Variants in HTR2C observed in about 807,000 individuals in gnomAD.
The protein encoded by HTR2C is 5-hydroxytryptamine (serotonin) receptor 2C, G protein-coupled.
A neutral mutation model predicts 21.0 loss-of-function variants in HTR2C; 5 were observed. The observed-to-expected ratio is 0.24, with a 90% CI of 0.12 to 0.50. The LOEUF (loss-of-function observed/expected upper bound fraction) is 0.50, where lower values mean the gene tolerates loss of function less well. HTR2C is among the 20% of genes least tolerant of loss of function. The pLI is 0.98. For synonymous variants in HTR2C, 150 were observed against 145.3 expected (o/e 1.03, Z -0.23); for missense variants, 271 against 371.2 (o/e 0.73, Z 2.22).
chrX:114,668,145 T>G (rs1931244706), intron 2 of HTR2C, among the ~76,000 whole-genome samples: 1 of 111,791 alleles, frequency 8.9e-6, no homozygotes, highest in Non-Finnish European at 1.9e-5. Context: ...TGTTTGGGTA[T>G]AATAGACTCT....
intron 2 of HTR2C, among the ~76,000 whole-genome samples, chrX:114,655,211 G>A (rs1232197328): frequency 1.8e-5 from 2 of 110,894 alleles, no homozygotes; most frequent in African/African-American, 6.5e-5. Flanking sequence ...CTAAGAGGGT[G>A]ATGTATTTAG....
chrX:114,667,082 A>G (rs1452863183), intron 2 of HTR2C, among the ~76,000 whole-genome samples: 1 of 111,425 alleles, frequency 9.0e-6, no homozygotes, highest in Non-Finnish European at 1.9e-5. Context: ...TATCAAAATG[A>G]GGGAAACATA....
At chrX:114,743,661 A>T (rs2069673638) in intron 4 of HTR2C, among the ~76,000 whole-genome samples, 1 of 111,395 alleles carries the variant, frequency 9.0e-6, no homozygotes, top group East Asian at 2.8e-4. Context: ...TAGAGTCCCA[A>T]AGGGAGAGGA....
chrX:114,702,617 T>C lies in HTR2C; in HGVS notation c.-79-24241T>C, dbSNP rs1194705186. 2.7e-5 allele frequency among the ~76,000 whole-genome samples: 3 copies of C among 111,676 alleles called. No homozygotes were observed. In the East Asian group the frequency reaches 8.5e-4, roughly 31 times the overall value. ...GCCGCTGCAAAATCATGCCAAATTC[T>C]AAAGACCATCGAGGCTAGGAAGAAA... On this transcript the variant is annotated intron_variant, in intron 2 of 5. Transcript: ENST00000276198.
chrX:114,738,719 T>G (rs1180255822), intron 4 of HTR2C, among the ~76,000 whole-genome samples: 7 of 110,499 alleles, frequency 6.3e-5, no homozygotes, highest in Admixed American at 5.8e-4. Context: ...GATGGGTTGA[T>G]GGGTGCAGGA....
chrX:114,737,926 G>A lies in HTR2C; in HGVS notation c.349+6319G>A, dbSNP rs782300508. On this transcript the variant is annotated intron_variant, in intron 4 of 5. Coordinates refer to ENST00000276198, the MANE Select transcript of HTR2C (RefSeq NM_000868.4). ...TGAAACTTCCTAAGGTTTATATGAA[G>A]TGAGAATAACTTTGATACATAAACC... 6.2e-5 allele frequency among the ~76,000 whole-genome samples: 7 copies of A among 112,452 alleles called. No individual in the cohort carries two copies. In the South Asian group the frequency reaches 2.2e-3, roughly 35 times the overall value.
intron 3 of HTR2C, among the ~76,000 whole-genome samples, chrX:114,728,554 A>G (rs2069505048): frequency 9.0e-6 from 1 of 111,520 alleles, no homozygotes; most frequent in Non-Finnish European, 1.9e-5. Context: ...TGAAACCAGG[A>G]AAGTGAAGTA....
chrX:114,844,140 C>T (rs1556466553), intron 4 of HTR2C, among the ~76,000 whole-genome samples: 3 of 111,430 alleles, frequency 2.7e-5, no homozygotes, highest in Non-Finnish European at 3.8e-5. Flanking sequence ...CTTTCTATTT[C>T]CTTTAAAAGG....
chrX:114,748,599 A>G (rs1373464916), intron 4 of HTR2C, among the ~76,000 whole-genome samples: 1 of 112,087 alleles, frequency 8.9e-6, no homozygotes, highest in Admixed American at 9.5e-5. Context: ...CCAGAAATCA[A>G]CAAATATAAT....
intron 4 of HTR2C, among the ~76,000 whole-genome samples, chrX:114,748,482 G>A (rs781888230): frequency 1.5e-4 from 17 of 111,236 alleles, no homozygotes; most frequent in Non-Finnish European, 1.7e-4. Context: ...CACAATTGGA[G>A]AACTCATAAT....
intron 4 of HTR2C, among the ~76,000 whole-genome samples, chrX:114,806,999 CCATATATATCACATATAT>C (rs1569496070): frequency 1.2e-5 from 1 of 81,405 alleles, no homozygotes; most frequent in African/African-American, 5.4e-5. Flanking sequence ...CATATATATA[CCATATATATCACATATAT>C]ACCATATATA....
At position 114,659,150 on chromosome X, in the gene HTR2C, A is replaced by G. The variant is rs782561745; in HGVS notation, c.-80+45269A>G. On this transcript the variant is annotated intron_variant, in intron 2 of 5. Coordinates refer to ENST00000276198, the MANE Select transcript of HTR2C (RefSeq NM_000868.4). ...TAAAAAACTATCAGATCTTGTGAGAACTCACTCACTATCACGAGAACAGCA... is the reference window on the plus strand; with the variant it reads ...TAAAAAACTATCAGATCTTGTGAGAGCTCACTCACTATCACGAGAACAGCA... Among the ~76,000 whole-genome samples the G allele has an allele frequency of 7.2e-5, 8 of 111,021 alleles. No homozygotes were observed. The South Asian group carries it at 2.7e-3, about 37-fold the overall frequency.
In HTR2C at chrX:114,602,672, T is replaced by C. The variant is rs1427514040; in HGVS notation, c.-146-11143T>C. Among the ~76,000 whole-genome samples the C allele has an allele frequency of 6.7e-5, 4 of 60,027 alleles. 1 individual carries two copies. Among genetic ancestry groups the C allele is most frequent in the African/African-American group, 1.3e-4 (2 of 15,083 alleles). The allele number at this position is 60,027 out of a possible 115,157, so 52.1% of individuals were successfully genotyped here. On this transcript the variant is annotated intron_variant, in intron 1 of 5. Coordinates refer to ENST00000276198, the MANE Select transcript of HTR2C (RefSeq NM_000868.4). ...GAAAGCTAAACTGAGGAATTATGTC[T>C]GACAGAAGGGAAGAAATGACTGTGG... is the stretch of plus-strand genomic sequence containing the variant.
In HTR2C at chrX:114,810,140, G is replaced by A. The variant is rs1178973903; in HGVS notation, c.350-37863G>A. On this transcript the variant is annotated intron_variant, in intron 4 of 5. Coordinates refer to ENST00000276198, the MANE Select transcript of HTR2C (RefSeq NM_000868.4). The stretch of plus-strand genomic sequence containing the variant: ...ATCCTATTCTACTGTGGTGGAGCTG[G>A]TATCCAGATTGCAGGACAAAGTCCT... Among the ~76,000 whole-genome samples the A allele has an allele frequency of 4.5e-5, 5 of 111,556 alleles. No individual in the cohort carries two copies. In the East Asian group the frequency reaches 1.4e-3, roughly 32 times the overall value.
At chrX:114,887,343 A>G (rs1407417321) in intron 5 of HTR2C, among the ~76,000 whole-genome samples, 1 of 111,728 alleles carries the variant, frequency 9.0e-6, no homozygotes, top group East Asian at 2.8e-4. Context: ...GGTTTCATTA[A>G]TATTAATGAA....
intron 1 of HTR2C, among the ~76,000 whole-genome samples, chrX:114,610,345 T>A (rs1341164272): frequency 8.9e-6 from 1 of 112,244 alleles, no homozygotes; most frequent in Admixed American, 9.5e-5. Flanking sequence ...ACCTTATCTA[T>A]TAAATCTTCA....
chrX:114,758,573 G>T (rs1193912231), intron 4 of HTR2C, among the ~76,000 whole-genome samples: 2 of 111,036 alleles, frequency 1.8e-5, no homozygotes, highest in East Asian at 5.7e-4. Flanking sequence ...AAAAAGAAAA[G>T]ATGTTTTGTT....
chrX:114,637,761 C>T (rs2147822306), intron 2 of HTR2C, among the ~76,000 whole-genome samples: 1 of 111,110 alleles, frequency 9.0e-6, no homozygotes, highest in Admixed American at 9.6e-5. Context: ...CTCACACTGA[C>T]GTGCAGAGTG....
intron 1 of HTR2C, among the ~76,000 whole-genome samples, chrX:114,604,883 G>A (rs1473141341): frequency 3.6e-5 from 4 of 111,276 alleles, no homozygotes; most frequent in African/African-American, 1.3e-4. Context: ...GCAAGGAATT[G>A]CAACTTTTTT....
Sources: allele counts gnomAD v4.1 joint callset (sites outside exome capture counted in the v4.1 genomes callset), GRCh38; gene constraint gnomAD v4.1.1; transcripts MANE v1.5; gene names NCBI Gene and HGNC (gene_info 2026-07-23, HGNC 2026-07-21).